POLE4: variants seen among roughly 807,000 people sequenced by gnomAD.
The protein encoded by POLE4 is DNA polymerase epsilon subunit 4.
POLE4 carries 15 observed loss-of-function variants against 15.6 expected under a neutral mutation model. The ratio of observed to expected loss-of-function variants is 0.96; its 90% confidence interval spans 0.64 to 1.48. The LOEUF is 1.48. Among genes scored for constraint, POLE4 ranks in the 40% most tolerant of loss-of-function variants. The pLI is 0.00. For synonymous variants in POLE4, 83 were observed against 63.2 expected, an observed-to-expected ratio of 1.31 and a Z score of -1.49; for missense variants, 205 against 151.9, an observed-to-expected ratio of 1.35 and a Z score of -1.84.
In POLE4 at chr2:74,959,375, A is replaced by G. The variant is rs748313131; in HGVS notation, c.248A>G (p.Tyr83Cys). The stretch of plus-strand genomic sequence containing the variant: ...GTGGAGACCATTGCAAAAGATGCCT[A>G]CTGTTGCGCTCAGCAGGGAAAAAGG... ...LFVETIAKDA[Y>C]CCAQQGKRKT... Residue 83 changes from tyrosine (Y) to cysteine (C), a missense_variant, in exon 2 of 4, where the codon TAC becomes TGC. Physicochemically the swap from Tyr to Cys is radical, Grantham distance 194. Coordinates refer to ENST00000483063, the MANE Select transcript of POLE4 (RefSeq NM_019896.4). 6.2e-7 allele frequency: 1 copy of G among 1,613,822 alleles called. No homozygotes were observed.
chr2:74,963,996 T>G (rs1671262806), intron 3 of POLE4, among the ~76,000 whole-genome samples: 1 of 145,754 alleles, frequency 6.9e-6, no homozygotes, highest in South Asian at 2.1e-4. Flanking sequence ...ATTCTGTATA[T>G]GCTAAAATCT....
At chr2:74,960,196 G>C (rs1275207348) in intron 3 of POLE4, 50 bp downstream of exon 3, 2 of 1,466,752 alleles carry the variant, frequency 1.4e-6, no homozygotes, top group East Asian at 2.3e-5. Context: ...TTTGCATGTT[G>C]ATGTGAAATT....
In POLE4 at chr2:74,958,851, C is replaced by G. The variant is rs1300017229; in HGVS notation, c.172C>G (p.Leu58Val). The G allele has an allele frequency of 1.3e-6, 2 of 1,561,706 alleles. No homozygotes were observed. The highest frequency in any genetic ancestry group is 1.2e-5 in the South Asian group (1 of 84,850). Residue 58 changes from leucine (L) to valine (V), a missense_variant, in exon 1 of 4, where the codon CTA (leucine) becomes GTA (valine). Leu to Val is a conservative substitution (Grantham distance 32). Coordinates refer to ENST00000483063, the MANE Select transcript of POLE4 (RefSeq NM_019896.4). ...GGTGAAGGCAGATCCCGACGTGACG[C>G]TAGCGGGACAGGAAGCCATCTTCAT... Reference protein sequence around the residue: ...ALVKADPDVTLAGQEAIFILA... With the variant: ...ALVKADPDVTVAGQEAIFILA...
intron 3 of POLE4, among the ~76,000 whole-genome samples, chr2:74,967,599 C>A (rs975660371): frequency 7.2e-5 from 11 of 152,212 alleles, no homozygotes; most frequent in Non-Finnish European, 2.9e-5. Flanking sequence ...TGTGCCGAAT[C>A]TAACATCCAT....
chr2:74,967,520 T>C (rs907456042), intron 3 of POLE4, among the ~76,000 whole-genome samples: 3 of 152,166 alleles, frequency 2.0e-5, no homozygotes, highest in East Asian at 1.9e-4. Flanking sequence ...CACAGTTGTT[T>C]TATAGTGAAT....
In POLE4 at chr2:74,958,684, C is replaced by T. The variant is rs1237978214; in HGVS notation, c.5C>T (p.Ala2Val). 2.1e-6 allele frequency: 3 copies of T among 1,420,762 alleles called. No individual in the cohort carries two copies. The highest frequency in any genetic ancestry group is 2.8e-6 in the Non-Finnish European group (3 of 1,086,970). The allele number at this position is 1,420,762 out of a possible 1,614,324, so 88.0% of individuals were successfully genotyped here. Residue 2 changes from alanine to valine, a missense_variant, in exon 1 of 4, where the codon GCG (alanine) becomes GTG (valine). Transcript: ENST00000483063. Reference protein sequence around the residue: MAAAAAAGSGTP... With the variant: MVAAAAAGSGTP... ...CGCAGCACGCTCAAGGCCGGGATGG[C>T]GGCGGCGGCGGCGGCAGGAAGCGGG...
At chr2:74,969,337 G>C in intron 3 of POLE4, 72 bp from the exon 4 acceptor site, 1 of 1,427,920 alleles carries the variant, frequency 7.0e-7, no homozygotes, top group Non-Finnish European at 9.9e-7. Context: ...TCTGCATTAA[G>C]TTTGCCCAGC....
At chr2:74,966,942 C>G (rs1442803626) in intron 3 of POLE4, among the ~76,000 whole-genome samples, 1 of 151,126 alleles carries the variant, frequency 6.6e-6, no homozygotes, top group African/African-American at 2.4e-5. Flanking sequence ...TCTATGTTTT[C>G]TATAGAGAAA....
At chr2:74,959,506 C>T in intron 2 of POLE4, 81 bp downstream of exon 2, 4 of 882,550 alleles carry the variant, frequency 4.5e-6, no homozygotes, top group Non-Finnish European at 7.4e-6. Flanking sequence ...GAAGACGTCA[C>T]TCTGATCTGA....
At chr2:74,964,054 G>A (rs1428180336) in intron 3 of POLE4, among the ~76,000 whole-genome samples, 1 of 150,978 alleles carries the variant, frequency 6.6e-6, no homozygotes, top group Non-Finnish European at 1.5e-5. Context: ...TTGTGTATTG[G>A]GTTGGGGGTC....
intron 3 of POLE4, chr2:74,960,684 T>TGA (rs1671203728): frequency 2.3e-6 from 1 of 443,316 alleles, no homozygotes; most frequent in African/African-American, 2.0e-5. Flanking sequence ...TCAGAGCGAT[T>TGA]TCTGCTACTT....
At chr2:74,960,436 A>G (rs1374153958) in intron 3 of POLE4, among the ~76,000 whole-genome samples, 1 of 152,094 alleles carries the variant, frequency 6.6e-6, no homozygotes, top group Non-Finnish European at 1.5e-5. Context: ...TTTGATCGCC[A>G]TCCCTAAATG....
chr2:74,969,514 A>G lies in POLE4; in HGVS notation c.*92A>G, dbSNP rs1671340821. 2.8e-6 allele frequency: 3 copies of G among 1,066,660 alleles called. No homozygotes were observed. The highest frequency in any genetic ancestry group is 4.7e-5 in the East Asian group (2 of 42,396). 66.1% of individuals were successfully genotyped at this position (1,066,660 alleles called of 1,614,324 possible). On this transcript the variant is annotated 3_prime_UTR_variant, in exon 4 of 4. Coordinates refer to ENST00000483063, the MANE Select transcript of POLE4 (RefSeq NM_019896.4). ...CAGCTTTGAAGAACGGAGTCTTTGCACTTACACACACTCTTCCTGTTCTGC... is the reference window on the plus strand; with the variant it reads ...CAGCTTTGAAGAACGGAGTCTTTGCGCTTACACACACTCTTCCTGTTCTGC...
chr2:74,967,085 T>C (rs1219426007), intron 3 of POLE4, among the ~76,000 whole-genome samples: 1 of 152,200 alleles, frequency 6.6e-6, no homozygotes, highest in African/African-American at 2.4e-5. Flanking sequence ...GTAGTTTGTT[T>C]GAGCTTCTTG....
At chr2:74,964,836 A>T (rs1379601905) in intron 3 of POLE4, among the ~76,000 whole-genome samples, 1 of 151,874 alleles carries the variant, frequency 6.6e-6, no homozygotes, top group Admixed American at 6.6e-5. Flanking sequence ...ATCTTTATAT[A>T]TTTTTTTCTT....
chr2:74,958,704 A>G lies in POLE4; in HGVS notation c.25A>G (p.Ser9Gly). 1 of 1,477,832 alleles carries G rather than the reference A, an allele frequency of 6.8e-7. No individual in the cohort carries two copies. The highest frequency in any genetic ancestry group is 1.3e-5 in the South Asian group (1 of 76,410). 91.5% of individuals were successfully genotyped at this position (1,477,832 alleles called of 1,614,324 possible). Residue 9 changes from serine (S) to glycine (G), a missense_variant, in exon 1 of 4, where the codon AGC becomes GGC. Coordinates refer to ENST00000483063, the MANE Select transcript of POLE4 (RefSeq NM_019896.4). MAAAAAAG[S>G]GTPREEEGPA... ...GATGGCGGCGGCGGCGGCGGCAGGA[A>G]GCGGGACGCCCCGAGAGGAGGAGGG...
At chr2:74,968,089 A>G (rs1253722158) in intron 3 of POLE4, among the ~76,000 whole-genome samples, 3 of 152,202 alleles carry the variant, frequency 2.0e-5, no homozygotes, top group Non-Finnish European at 2.9e-5. Context: ...AAGTAACATT[A>G]GAGGCTGGGT....
chr2:74,967,246 A>T (rs977699553), intron 3 of POLE4, among the ~76,000 whole-genome samples: 1 of 151,344 alleles, frequency 6.6e-6, no homozygotes, highest in African/African-American at 2.4e-5. Flanking sequence ...CCTCTCTAGT[A>T]TGCATTCTGT....
chr2:74,965,051 G>C (rs969049914), intron 3 of POLE4, among the ~76,000 whole-genome samples: 3 of 150,762 alleles, frequency 2.0e-5, no homozygotes, highest in Non-Finnish European at 4.4e-5. Flanking sequence ...CTGTGTGTGA[G>C]CTTCATACAA....
Sources: allele counts gnomAD v4.1 joint callset (sites outside exome capture counted in the v4.1 genomes callset), GRCh38; gene constraint gnomAD v4.1.1; transcripts MANE v1.5; gene names NCBI Gene and HGNC (gene_info 2026-07-23, HGNC 2026-07-21).